UBE2G2: variants seen among roughly 807,000 people sequenced by gnomAD.
UBE2G2 encodes the protein ubiquitin conjugating enzyme E2 G2.
In UBE2G2, 10 loss-of-function variants were observed where a neutral mutation model predicts 23.0. The observed-to-expected ratio is 0.43, with a 90% CI of 0.27 to 0.74. The LOEUF is 0.74. UBE2G2 is among the 30% of genes least tolerant of loss of function. The pLI is 0.19. For synonymous variants in UBE2G2, 86 were observed against 81.3 expected (o/e 1.06, Z -0.31); for missense variants, 150 against 218.3 (o/e 0.69, Z 1.97).
At chr21:44,781,982 G>A (rs1555961400) in intron 3 of UBE2G2, among the ~76,000 whole-genome samples, 1 of 152,108 alleles carries the variant, frequency 6.6e-6, no homozygotes, top group Non-Finnish European at 1.5e-5. Context: ...GAACTATAAA[G>A]TGTACTAAAT....
At chr21:44,798,642 C>A (rs1029888801) in intron 1 of UBE2G2, among the ~76,000 whole-genome samples, 3 of 152,238 alleles carry the variant, frequency 2.0e-5, no homozygotes, top group Non-Finnish European at 4.4e-5. Flanking sequence ...CAAGTTTGAT[C>A]ATGAGATTGT....
chr21:44,775,975 TAAGAA>T (rs1270052276), intron 4 of UBE2G2, among the ~76,000 whole-genome samples: 2 of 152,138 alleles, frequency 1.3e-5, no homozygotes, highest in African/African-American at 4.8e-5. Flanking sequence ...AGCTTTGAGA[TAAGAA>T]AAGAAGTACC....
chr21:44,792,665 G>A (rs9978131), intron 1 of UBE2G2, among the ~76,000 whole-genome samples: 31,995 of 152,070 alleles, frequency 0.21, 4,605 homozygotes, highest in East Asian at 0.57. Context: ...GTATAAGAAC[G>A]GACTAATGTA....
chr21:44,792,438 G>A (rs377765296), intron 1 of UBE2G2, among the ~76,000 whole-genome samples: 36 of 152,268 alleles, frequency 2.4e-4, no homozygotes, highest in South Asian at 1.9e-3. Context: ...TGCTGTTCTC[G>A]TGATAGCGAG....
rs1555964886 is a variant in UBE2G2 at position 44,801,745 on chromosome 21, C to T, written c.4G>A (p.Ala2Thr). Residue 2 changes from alanine to threonine, a missense_variant, in exon 1 of 6, where the codon GCG becomes ACG. Physicochemically the swap from Ala to Thr is moderately conservative, Grantham distance 58. Transcript: ENST00000345496. ...ATCAGCCTCTTGAGCGCGGTCCCCG[C>T]CATGGCCCCGCAACAGCTGCGCCGA... The part of the protein sequence containing the change: M[A>T]GTALKRLMAE... 6.6e-7 allele frequency: 1 copy of T among 1,520,314 alleles called. No homozygotes were observed. Among genetic ancestry groups the T allele is most frequent in the Non-Finnish European group, 8.8e-7 (1 of 1,136,114 alleles). 94.2% of individuals were successfully genotyped at this position (1,520,314 alleles called of 1,614,324 possible).
intron 1 of UBE2G2, among the ~76,000 whole-genome samples, chr21:44,790,574 T>C (rs1288912973): frequency 1.3e-5 from 2 of 152,050 alleles, no homozygotes; most frequent in African/African-American, 2.4e-5. Flanking sequence ...TGAGTTCTCA[T>C]GAGATCTGGT....
rs140817713 is a variant in UBE2G2 at position 44,781,350 on chromosome 21, G to A, written c.126-3933C>T. On this transcript the variant is annotated intron_variant, in intron 3 of 5. Transcript: ENST00000345496. ...GAGGGCTCCCGGCATCTGAGCTTGG[G>A]TGCGTCTCCTTCCTTCAGTCCCTGC... Among the ~76,000 whole-genome samples the A allele has an allele frequency of 3.0e-3, 450 of 152,312 alleles. 3 individuals are homozygous for A. Among genetic ancestry groups the A allele is most frequent in the African/African-American group, 0.01 (436 of 41,564 alleles).
At chr21:44,778,908 C>T (rs2082934208) in intron 3 of UBE2G2, among the ~76,000 whole-genome samples, 1 of 151,716 alleles carries the variant, frequency 6.6e-6, no homozygotes, top group Non-Finnish European at 1.5e-5. Context: ...ACCAGACCTA[C>T]TGCCTTCAGA....
At chr21:44,779,617 C>T (rs905492118) in intron 3 of UBE2G2, among the ~76,000 whole-genome samples, 1 of 152,194 alleles carries the variant, frequency 6.6e-6, no homozygotes, top group African/African-American at 2.4e-5. Context: ...CCTGAAGCCC[C>T]GCCTTCTCAA....
Position 44,771,671 on chromosome 21 carries a change from C to T in UBE2G2, c.386-182G>A, listed in dbSNP as rs555118353. 1.5e-4 allele frequency among the ~76,000 whole-genome samples: 23 copies of T among 152,268 alleles called. No individual in the cohort carries two copies. The highest frequency in any genetic ancestry group is 2.6e-4 in the Non-Finnish European group (18 of 68,034). On this transcript the variant is annotated intron_variant, in intron 5 of 5. Coordinates refer to ENST00000345496, the MANE Select transcript of UBE2G2 (RefSeq NM_003343.6). The surrounding 1 kb of genome is among the most constrained non-coding windows in gnomAD (Gnocchi z 4.6). ...AGAGTGCTGGCCACGCAGGTCTCAA[C>T]GAAAGCCACTCTCATGACTCCTGCG...
chr21:44,787,832 C>T (rs2083008164), intron 3 of UBE2G2, 88 bp downstream of exon 3: 1 of 1,475,798 alleles, frequency 6.8e-7, no homozygotes, highest in Non-Finnish European at 9.3e-7. Context: ...CCAGCTGATG[C>T]TTTTGGACAC....
rs1385764220 is a variant in UBE2G2 at position 44,775,873 on chromosome 21, A to ACCTC, written c.244+1422_244+1425dup. Reference sequence around the variant, plus strand: ...CACTCAAGTAGACAGCGTGTGATGAACCTCCATGTTATCATCTAACTCAGG... The same window carrying ACCTC: ...CACTCAAGTAGACAGCGTGTGATGAACCTCCCTCCATGTTATCATCTAACTCAGG... On this transcript the variant is annotated intron_variant, in intron 4 of 5. Transcript: ENST00000345496. Among the ~76,000 whole-genome samples the ACCTC allele has an allele frequency of 7.9e-5, 12 of 152,316 alleles. No individual in the cohort carries two copies. In the East Asian group the frequency reaches 1.9e-3, roughly 24 times the overall value.
Position 44,779,395 on chromosome 21 carries a change from T to G in UBE2G2, c.126-1978A>C, listed in dbSNP as rs1601182251. On this transcript the variant is annotated intron_variant, in intron 3 of 5. Transcript: ENST00000345496. ...GTGGGGGGGGGGTACTGTGTGACAG[T>G]CCCCAGAGCCTCAGCATGACCAGCA... 2.7e-5 allele frequency among the ~76,000 whole-genome samples: 4 copies of G among 147,668 alleles called. 1 individual carries two copies. Among genetic ancestry groups the G allele is most frequent in the Admixed American group, 6.7e-5 (1 of 14,902 alleles).
At chr21:44,800,481 TA>T (rs1569303801) in intron 1 of UBE2G2, 1 of 152,214 alleles carries the variant, frequency 6.6e-6, no homozygotes. Flanking sequence ...GTACTATAAG[TA>T]ACCTTGAGAT....
At chr21:44,801,597 C>A (rs1351707478) in intron 1 of UBE2G2, 109 bp downstream of exon 1, 1 of 1,366,044 alleles carries the variant, frequency 7.3e-7, no homozygotes, top group East Asian at 3.1e-5. Flanking sequence ...ACGGTGGAGG[C>A]CCCGGGCCCG....
chr21:44,782,218 T>C (rs1555961422), intron 3 of UBE2G2, among the ~76,000 whole-genome samples: 1 of 152,244 alleles, frequency 6.6e-6, no homozygotes, highest in Non-Finnish European at 1.5e-5. Flanking sequence ...CTTTTCTCTA[T>C]GTGTGTATAA....
intron 2 of UBE2G2, 45 bp from the exon 3 acceptor site, chr21:44,788,010 A>G: frequency 6.2e-7 from 1 of 1,610,784 alleles, no homozygotes; most frequent in East Asian, 2.2e-5. Flanking sequence ...CTTTGAAGGA[A>G]CTTTGGCAAT....
chr21:44,795,716 G>A (rs1238305386), intron 1 of UBE2G2, among the ~76,000 whole-genome samples: 1 of 151,932 alleles, frequency 6.6e-6, no homozygotes, highest in African/African-American at 2.4e-5. Context: ...GGGGCAACGG[G>A]AACACTTAAT....
At chr21:44,780,362 G>T (rs1349656831) in intron 3 of UBE2G2, among the ~76,000 whole-genome samples, 1 of 152,296 alleles carries the variant, frequency 6.6e-6, no homozygotes, top group South Asian at 2.1e-4. Context: ...TGCTGTTTTT[G>T]GACAAGTTTT....
Sources: gnomAD v4.1 joint callset for allele counts (sites outside exome capture counted in the v4.1 genomes callset) on GRCh38, gnomAD v4.1.1 for gene constraint, Gnocchi (gnomAD v3.1) non-coding constraint, MANE v1.5 for transcripts, NCBI Gene and HGNC (gene_info 2026-07-23, HGNC 2026-07-21) for gene names.